The following PATJ variants were observed in gnomAD, a reference collection of about 807,000 sequenced individuals.
The protein encoded by PATJ is PATJ crumbs cell polarity complex component.
A neutral mutation model predicts 224.9 loss-of-function variants in PATJ; 190 were observed. That is an observed-to-expected ratio of 0.84 (90% confidence interval 0.75 to 0.95). The LOEUF is 0.95. PATJ is among the 40% of genes least tolerant of loss of function. The probability of loss-of-function intolerance (pLI) is 0.00; values close to 1 mark genes in which losing one functional copy is unlikely to be tolerated. For missense variants in PATJ, 2,121 were observed against 2,270.3 expected, an observed-to-expected ratio of 0.93 and a Z score of 1.34; for synonymous variants, 769 against 820.3, an observed-to-expected ratio of 0.94 and a Z score of 1.07.
At chr1:61,744,834 C>G (rs1369130441) in intron 1 of PATJ, among the ~76,000 whole-genome samples, 2 of 152,220 alleles carry the variant, frequency 1.3e-5, no homozygotes, top group African/African-American at 4.8e-5. Flanking sequence ...ACCCCGGCTT[C>G]TGACTAACCA....
rs138522735 is a variant in PATJ, at chr1:62,034,796, C to T, written c.3960-3181C>T. ...AAAATTTAATATGGACTTTAAAGGCCATTAAAGTCATACTAATTTGTGAAA... is the reference window on the plus strand; with the variant it reads ...AAAATTTAATATGGACTTTAAAGGCTATTAAAGTCATACTAATTTGTGAAA... On this transcript the variant is annotated intron_variant, in intron 29 of 43. Coordinates refer to ENST00000642238, the MANE Select transcript of PATJ (RefSeq NM_001350145.3). 2.4e-4 allele frequency among the ~76,000 whole-genome samples: 37 copies of T among 152,092 alleles called. No homozygotes were observed. The East Asian group carries it at 6.9e-3, about 29-fold the overall frequency.
At chr1:61,776,059 C>T (rs894982476) in intron 7 of PATJ, among the ~76,000 whole-genome samples, 1 of 152,146 alleles carries the variant, frequency 6.6e-6, no homozygotes, top group Admixed American at 6.5e-5. Flanking sequence ...GATAGACATA[C>T]GTAAGTAAAA....
At chr1:62,019,242 C>CAAAAAA in intron 29 of PATJ, among the ~76,000 whole-genome samples, 2 of 85,858 alleles carry the variant, frequency 2.3e-5, no homozygotes, top group Non-Finnish European at 4.8e-5. Flanking sequence ...GAGATTGTCT[C>CAAAAAA]AAAAAAAAAA....
chr1:61,795,571 C>T lies in PATJ; in HGVS notation c.1260+13C>T. On this transcript the variant is annotated intron_variant, in intron 10 of 43. Transcript: ENST00000642238. ...CAAAATAGTTGCTGTAAGTAACTCGCCTCTGTTTTAGGTTTGATTCTAGTT... is the reference window on the plus strand; with the variant it reads ...CAAAATAGTTGCTGTAAGTAACTCGTCTCTGTTTTAGGTTTGATTCTAGTT... The T allele has an allele frequency of 6.5e-7, 1 of 1,541,824 alleles. No homozygotes were observed. Among genetic ancestry groups the T allele is most frequent in the African/African-American group, 1.4e-5 (1 of 73,642 alleles).
intron 27 of PATJ, among the ~76,000 whole-genome samples, chr1:61,959,082 TTATTA>T (rs1307476903): frequency 5.9e-5 from 9 of 152,052 alleles, no homozygotes; most frequent in African/African-American, 2.2e-4. Flanking sequence ...GAGGTTATCT[TTATTA>T]TATCATCCAT....
intron 39 of PATJ, among the ~76,000 whole-genome samples, chr1:62,123,649 T>C (rs927088686): frequency 6.6e-6 from 1 of 150,838 alleles, no homozygotes; most frequent in African/African-American, 2.4e-5. Flanking sequence ...AGCTAATTTT[T>C]TGTATTTTTA....
At chr1:61,977,988 A>G (rs74425813) in intron 27 of PATJ, among the ~76,000 whole-genome samples, 4,197 of 152,044 alleles carry the variant, frequency 0.028, 171 homozygotes, top group African/African-American at 0.072. Flanking sequence ...TTCACAAAGA[A>G]CATATTCCCA....
intron 4 of PATJ, 99 bp downstream of exon 4, chr1:61,766,572 A>C (rs779784361): frequency 1.3e-6 from 1 of 784,982 alleles, no homozygotes; most frequent in Admixed American, 3.1e-5. Context: ...AAAATGTATT[A>C]GTATGTATTT....
chr1:61,782,890 G>A (rs534748722), intron 7 of PATJ, among the ~76,000 whole-genome samples: 66 of 152,152 alleles, frequency 4.3e-4, no homozygotes, highest in Non-Finnish European at 1.9e-4. Flanking sequence ...GTGGTCTGGC[G>A]AAGTTCTAGG....
chr1:61,898,021 T>G (rs1670621588), intron 22 of PATJ, among the ~76,000 whole-genome samples: 1 of 152,206 alleles, frequency 6.6e-6, no homozygotes, highest in Admixed American at 6.5e-5. Flanking sequence ...AACAGTTTTA[T>G]CCTAGATACT....
chr1:62,092,220 ATTT>A (rs900070482), intron 33 of PATJ, among the ~76,000 whole-genome samples: 12 of 151,328 alleles, frequency 7.9e-5, no homozygotes, highest in African/African-American at 2.7e-4. Context: ...CTCAAAAAAA[ATTT>A]TTTTTAATTA....
intron 43 of PATJ, among the ~76,000 whole-genome samples, chr1:62,160,435 C>G (rs1669734983): frequency 6.6e-6 from 1 of 152,164 alleles, no homozygotes; most frequent in Admixed American, 6.6e-5. Context: ...ATACAATTCA[C>G]CCATTTAAAG....
Position 62,153,414 on chromosome 1 carries a change from G to T in PATJ, c.5435G>T (p.Ser1812Ile), listed in dbSNP as rs972908807. Residue 1812 changes from serine (S) to isoleucine (I), a missense_variant, in exon 43 of 44, where the codon AGT becomes ATT. Coordinates refer to ENST00000642238, the MANE Select transcript of PATJ (RefSeq NM_001350145.3). ...LEKGSEGLGF[S>I]IVGGYGSPHG... The stretch of plus-strand genomic sequence containing the variant: ...AAAGGCTCTGAAGGCTTGGGGTTTA[G>T]TATTGTAGGGGGTTATGGAAGTCCC... 3.7e-5 allele frequency: 45 copies of T among 1,231,624 alleles called. No individual in the cohort carries two copies. Among genetic ancestry groups the T allele is most frequent in the Non-Finnish European group, 4.3e-5 (42 of 987,612 alleles). The allele number at this position is 1,231,624 out of a possible 1,614,324, so 76.3% of individuals were successfully genotyped here. A position where few individuals can be genotyped will look rare whatever the true frequency, so the allele number is the denominator to read the frequency against.
In PATJ at chr1:62,083,011, A is replaced by G. The variant is rs115115055; in HGVS notation, c.4244-1504A>G. ...ATGGTGATCAAACTCAGTTATCAGA[A>G]AATATGACATTCTCTGGAGACTATG... On this transcript the variant is annotated intron_variant, in intron 32 of 43. Transcript: ENST00000642238. 2.3e-3 allele frequency among the ~76,000 whole-genome samples: 358 copies of G among 152,342 alleles called. 5 individuals carry two copies. The highest frequency in any genetic ancestry group is 8.0e-3 in the African/African-American group (333 of 41,572).
intron 27 of PATJ, among the ~76,000 whole-genome samples, chr1:61,961,975 AAAAAAAAAAAG>A (rs1433988356): frequency 6.6e-6 from 1 of 150,988 alleles, no homozygotes; most frequent in Admixed American, 6.6e-5. Context: ...GTCTTAGAAA[AAAAAAAAAAAG>A]AAAGAAAAGA....
intron 28 of PATJ, among the ~76,000 whole-genome samples, chr1:62,005,130 A>T (rs12749575): frequency 0.15 from 22,245 of 151,802 alleles, 2,025 homozygotes; most frequent in Non-Finnish European, 0.21. Context: ...CTGGGTTTTT[A>T]AATTTTTTAG....
chr1:61,980,072 C>A (rs1644367707), intron 27 of PATJ, among the ~76,000 whole-genome samples: 1 of 151,972 alleles, frequency 6.6e-6, no homozygotes, highest in South Asian at 2.1e-4. Context: ...CTGCTGTTTT[C>A]TCAAATGCGA....
intron 31 of PATJ, among the ~76,000 whole-genome samples, chr1:62,076,926 A>T (rs1658400245): frequency 6.6e-6 from 1 of 152,288 alleles, no homozygotes; most frequent in East Asian, 1.9e-4. Flanking sequence ...TCTTTAGCAT[A>T]AGAGTCTGTG....
chr1:61,776,992 T>C (rs548358234), intron 7 of PATJ, among the ~76,000 whole-genome samples: 1 of 152,282 alleles, frequency 6.6e-6, no homozygotes, highest in Non-Finnish European at 1.5e-5. Flanking sequence ...CCCAAAGTGC[T>C]GGGATTACAG....
Sources: allele counts gnomAD v4.1 joint callset (sites outside exome capture counted in the v4.1 genomes callset), GRCh38; gene constraint gnomAD v4.1.1; transcripts MANE v1.5; gene names NCBI Gene and HGNC (gene_info 2026-07-23, HGNC 2026-07-21).